SNRPE: variants seen among roughly 807,000 people sequenced by gnomAD.
SNRPE encodes small nuclear ribonucleoprotein E.
For synonymous variants in SNRPE, 35 were observed against 36.7 expected (o/e 0.95, Z 0.17); for missense variants, 53 against 111.6 (o/e 0.48, Z 2.36).
chr1:203,867,485 G>T (rs1240493043), intron 4 of SNRPE, among the ~76,000 whole-genome samples: 1 of 152,122 alleles, frequency 6.6e-6, no homozygotes, highest in African/African-American at 2.4e-5. Flanking sequence ...ATCAGTGGGA[G>T]CCCTGAGCCT....
rs1690187577 is a variant in SNRPE at position 203,870,232 on chromosome 1, G to A, written c.*300G>A. ...ACCTGTAGATTTTGAGGCAGATTAGGAATTCTGCCTGATGGGTAAGCTTCC... is the reference window on the plus strand; with the variant it reads ...ACCTGTAGATTTTGAGGCAGATTAGAAATTCTGCCTGATGGGTAAGCTTCC... On this transcript the variant is annotated 3_prime_UTR_variant, in exon 5 of 5. Transcript: ENST00000414487. 4.4e-6 allele frequency: 1 copy of A among 228,304 alleles called. No individual in the cohort carries two copies. Among genetic ancestry groups the A allele is most frequent in the Admixed American group, 5.7e-5 (1 of 17,462 alleles). 14.1% of individuals were successfully genotyped at this position (228,304 alleles called of 1,614,324 possible).
In SNRPE at chr1:203,867,244, C is replaced by T. The variant is rs1231579047; in HGVS notation, c.223+2125C>T. On this transcript the variant is annotated intron_variant, in intron 4 of 4. Transcript: ENST00000414487. ...GCAGTGAGCTGAGATCACGCCACTG[C>T]GCTCCAGCCTGGGCGACACAGCGAG... 4.7e-5 allele frequency among the ~76,000 whole-genome samples: 7 copies of T among 149,820 alleles called. No homozygotes were observed. The East Asian group carries it at 9.8e-4, about 21-fold the overall frequency.
chr1:203,862,285 G>C, intron 2 of SNRPE, 63 bp downstream of exon 2: 1 of 1,156,492 alleles, frequency 8.6e-7, no homozygotes, highest in African/African-American at 1.5e-5. Context: ...TTAGTTTTTT[G>C]TGTTAACCTG....
In SNRPE at chr1:203,869,804, G is replaced by C. The variant is rs1690177286; in HGVS notation, c.224-73G>C. The stretch of plus-strand genomic sequence containing the variant: ...ATTTTCAAAATATTGTTCAAAAACT[G>C]GATACAAAATTCTGAGAGTAAAACA... On this transcript the variant is annotated intron_variant, in intron 4 of 4. Transcript: ENST00000414487. The C allele has an allele frequency of 5.8e-6, 6 of 1,027,906 alleles. No individual in the cohort carries two copies. In the South Asian group the frequency reaches 8.7e-5, roughly 15 times the overall value. 63.7% of individuals were successfully genotyped at this position (1,027,906 alleles called of 1,614,324 possible).
At position 203,870,086 on chromosome 1, in the gene SNRPE, T is replaced by G; in HGVS notation, c.*154T>G. 3.7e-6 allele frequency: 2 copies of G among 536,808 alleles called. No homozygotes were observed. The highest frequency in any genetic ancestry group is 6.5e-6 in the Non-Finnish European group (2 of 307,892). 33.3% of individuals were successfully genotyped at this position (536,808 alleles called of 1,614,324 possible). A position where few individuals can be genotyped will look rare whatever the true frequency, so the allele number is the denominator to read the frequency against. ...TATGGGATTGTTTGTATTAAAAAAT[T>G]TACATTGCTTCTTACTATTCAGCAG... On this transcript the variant is annotated 3_prime_UTR_variant, in exon 5 of 5. Transcript: ENST00000414487.
intron 3 of SNRPE, among the ~76,000 whole-genome samples, chr1:203,863,969 T>C (rs1020027676): frequency 6.6e-6 from 1 of 152,188 alleles, no homozygotes; most frequent in African/African-American, 2.4e-5. Flanking sequence ...TGTATTTGAT[T>C]TTTGAGAAAG....
Position 203,870,751 on chromosome 1 carries a change from A to T in SNRPE, c.*819A>T, listed in dbSNP as rs1033000663. 1.3e-5 allele frequency among the ~76,000 whole-genome samples: 2 copies of T among 152,240 alleles called. No individual in the cohort carries two copies. Among genetic ancestry groups the T allele is most frequent in the Non-Finnish European group, 1.5e-5 (1 of 68,046 alleles). On this transcript the variant is annotated 3_prime_UTR_variant, in exon 5 of 5. Coordinates refer to ENST00000414487, the MANE Select transcript of SNRPE (RefSeq NM_003094.4). ...AGTATCGCACATGGTTCTAGTTAGA[A>T]TCCTGTTAGATAGTGAGCATCTGCT...
intron 4 of SNRPE, among the ~76,000 whole-genome samples, chr1:203,866,904 C>T (rs1158840571): frequency 1.3e-5 from 2 of 151,596 alleles, no homozygotes; most frequent in African/African-American, 4.9e-5. Context: ...GCAGATTTGC[C>T]CAACCATTAA....
intron 4 of SNRPE, among the ~76,000 whole-genome samples, chr1:203,868,717 T>G (rs2103511650): frequency 6.6e-6 from 1 of 152,330 alleles, no homozygotes; most frequent in Middle Eastern, 3.4e-3. Flanking sequence ...TCTCCCAGGC[T>G]TGAGTGCCAT....
chr1:203,868,238 T>C (rs1196448704), intron 4 of SNRPE, among the ~76,000 whole-genome samples: 2 of 152,074 alleles, frequency 1.3e-5, no homozygotes, highest in Non-Finnish European at 2.9e-5. Context: ...TGTGTTTTAG[T>C]AGAGACGGGG....
intron 3 of SNRPE, among the ~76,000 whole-genome samples, chr1:203,864,773 G>A (rs1026152724): frequency 1.3e-5 from 2 of 151,660 alleles, no homozygotes; most frequent in African/African-American, 4.8e-5. Flanking sequence ...CTACTTGGGG[G>A]GAGCTGAGGC....
chr1:203,862,137 G>T, intron 1 of SNRPE, 59 bp from the exon 2 acceptor site: 2 of 1,384,276 alleles, frequency 1.4e-6, no homozygotes, highest in Non-Finnish European at 2.1e-6. Context: ...TCGTCCGGTT[G>T]TTTCAGGAAG....
chr1:203,870,033 C>A lies in SNRPE; in HGVS notation c.*101C>A. ...TTATTCATATTGTTTTGATTACCCT[C>A]GTGTTACTACAAGATGGCAATAAAT... On this transcript the variant is annotated 3_prime_UTR_variant, in exon 5 of 5. Coordinates refer to ENST00000414487, the MANE Select transcript of SNRPE (RefSeq NM_003094.4). 4.5e-6 allele frequency: 3 copies of A among 672,800 alleles called. No individual in the cohort carries two copies. The highest frequency in any genetic ancestry group is 2.9e-5 in the East Asian group (1 of 34,370). 41.7% of individuals were successfully genotyped at this position (672,800 alleles called of 1,614,324 possible).
At chr1:203,867,754 T>G (rs1181196358) in intron 4 of SNRPE, among the ~76,000 whole-genome samples, 1 of 152,176 alleles carries the variant, frequency 6.6e-6, no homozygotes, top group African/African-American at 2.4e-5. Context: ...TCTTGCTGTG[T>G]GACCCAGTTT....
At chr1:203,865,818 G>C (rs764548107) in intron 4 of SNRPE, among the ~76,000 whole-genome samples, 3 of 152,174 alleles carry the variant, frequency 2.0e-5, no homozygotes, top group African/African-American at 7.2e-5. Flanking sequence ...CACAGAACTC[G>C]GGGAAACACT....
intron 4 of SNRPE, among the ~76,000 whole-genome samples, chr1:203,867,122 A>AC (rs1558158469): frequency 0.018 from 1,648 of 90,172 alleles, 32 homozygotes; most frequent in African/African-American, 0.066. Context: ...AAAAAAAAAA[A>AC]AAAAAAAATT....
intron 1 of SNRPE, 90 bp downstream of exon 1, chr1:203,861,803 G>C (rs41300861): frequency 2.0e-6 from 2 of 977,784 alleles, no homozygotes; most frequent in African/African-American, 3.2e-5. Context: ...GGATAGTGGA[G>C]TACGGATCCA....
At chr1:203,863,181 C>A (rs1690010657) in intron 2 of SNRPE, among the ~76,000 whole-genome samples, 1 of 119,388 alleles carries the variant, frequency 8.4e-6, no homozygotes, top group Admixed American at 1.2e-4. Context: ...TTGTATACTT[C>A]AATTTTTTGG....
rs773034671 is a variant in SNRPE, at chr1:203,861,624, G to A, written c.-36G>A. ...CTTTATTCCGGAAGTTGCTCTCAGA[G>A]GCAGCGTGCGGGTGTGCTCTTTGTG... On this transcript the variant is annotated 5_prime_UTR_variant, in exon 1 of 5. Transcript: ENST00000414487. The A allele has an allele frequency of 6.3e-6, 10 of 1,576,500 alleles. No individual in the cohort carries two copies. Among genetic ancestry groups the A allele is most frequent in the East Asian group, 4.5e-5 (2 of 44,724 alleles).
Sources: gnomAD v4.1 joint callset for allele counts (sites outside exome capture counted in the v4.1 genomes callset) on GRCh38, gnomAD v4.1.1 for gene constraint, MANE v1.5 for transcripts, NCBI Gene and HGNC (gene_info 2026-07-23, HGNC 2026-07-21) for gene names.